Variants in DSCAML1 observed in about 807,000 individuals in gnomAD.
DSCAML1 encodes DS cell adhesion molecule like 1, also known as cell adhesion molecule DSCAML1.
DSCAML1 carries 38 observed loss-of-function variants against 200.5 expected under a neutral mutation model. That is an observed-to-expected ratio of 0.19 (90% CI 0.15 to 0.25). The LOEUF (loss-of-function observed/expected upper bound fraction) is 0.25. Ranked by LOEUF, DSCAML1 falls within the 10% of genes least tolerant of loss-of-function variation. The pLI is 1.00. For missense variants in DSCAML1, 2,223 were observed against 2,858.8 expected, an observed-to-expected ratio of 0.78 and a Z score of 5.07; for synonymous variants, 1,215 against 1,165.0, an observed-to-expected ratio of 1.04 and a Z score of -0.87.
intron 19 of DSCAML1, among the ~76,000 whole-genome samples, chr11:117,455,300 C>T (rs1215674758): frequency 6.6e-6 from 1 of 152,234 alleles, no homozygotes; most frequent in African/African-American, 2.4e-5. Context: ...ACTTCCTCGT[C>T]TCTGCCTTAA....
At chr11:117,490,742 C>T (rs893215115) in intron 11 of DSCAML1, among the ~76,000 whole-genome samples, 2 of 152,242 alleles carry the variant, frequency 1.3e-5, no homozygotes, top group Non-Finnish European at 2.9e-5. Flanking sequence ...ACCCCAAGTC[C>T]TCTGACAACT....
At chr11:117,694,078 T>C (rs139178245) in intron 3 of DSCAML1, among the ~76,000 whole-genome samples, 16,460 of 38,402 alleles carry the variant, frequency 0.43, 1,450 homozygotes, top group African/African-American at 0.5. Flanking sequence ...TATATATATA[T>C]ACACATATAT....
intron 3 of DSCAML1, among the ~76,000 whole-genome samples, chr11:117,692,494 G>T (rs549138208): frequency 6.6e-6 from 1 of 152,222 alleles, no homozygotes; most frequent in African/African-American, 2.4e-5. Context: ...CTAGATGTTG[G>T]TCAGGATTTT....
At chr11:117,551,248 C>G (rs1211114711) in intron 3 of DSCAML1, among the ~76,000 whole-genome samples, 2 of 152,194 alleles carry the variant, frequency 1.3e-5, no homozygotes, top group African/African-American at 2.4e-5. Flanking sequence ...GTTGAGAAAG[C>G]ATTTCTGGGT....
At chr11:117,815,246 C>T (rs2055795046) in intron 1 of DSCAML1, among the ~76,000 whole-genome samples, 1 of 152,238 alleles carries the variant, frequency 6.6e-6, no homozygotes, top group Non-Finnish European at 1.5e-5. Flanking sequence ...CCCCTTACCC[C>T]TTCCCCTGAA....
In DSCAML1 at chr11:117,453,750, T is replaced by TTTCTTTC. The variant is rs72081394; in HGVS notation, c.3569-3063_3569-3062insGAAAGAA. ...GATTTCTTTCTTTCTTTCTTTCTTT[T>TTTCTTTC]TTTTTTTTTTTTGAGATAGAGTCTC... On this transcript the variant is annotated intron_variant, in intron 19 of 32. Coordinates refer to ENST00000651296, the MANE Select transcript of DSCAML1 (RefSeq NM_020693.4). 3.2e-3 allele frequency among the ~76,000 whole-genome samples: 422 copies of TTTCTTTC among 130,438 alleles called. 1 individual carries two copies. The highest frequency in any genetic ancestry group is 7.4e-3 in the Middle Eastern group (2 of 270). The allele number at this position is 130,438 out of a possible 152,430, so 85.6% of individuals were successfully genotyped here.
intron 14 of DSCAML1, among the ~76,000 whole-genome samples, chr11:117,479,739 C>T (rs2048870460): frequency 6.6e-6 from 1 of 152,158 alleles, no homozygotes; most frequent in South Asian, 2.1e-4. Flanking sequence ...ACCTCCGCCT[C>T]ATGGGTTCAA....
chr11:117,671,713 A>C (rs1303964122), intron 3 of DSCAML1, among the ~76,000 whole-genome samples: 1 of 152,352 alleles, frequency 6.6e-6, no homozygotes, highest in East Asian at 1.9e-4. Context: ...ATCCTGGGAC[A>C]TGGAAGCAAA....
Position 117,780,185 on chromosome 11 carries a change from A to AGAAAGAGAAAGAAAGAGAGAGAG in DSCAML1, c.364+307_364+308insCTCTCTCTCTTTCTTTCTCTTTC, listed in dbSNP as rs1345667190. 8.1e-5 allele frequency among the ~76,000 whole-genome samples: 8 copies of AGAAAGAGAAAGAAAGAGAGAGAG among 99,142 alleles called. No homozygotes were observed. Among genetic ancestry groups the AGAAAGAGAAAGAAAGAGAGAGAG allele is most frequent in the Non-Finnish European group, 1.1e-4 (5 of 46,840 alleles). 65.0% of individuals were successfully genotyped at this position (99,142 alleles called of 152,430 possible). On this transcript the variant is annotated intron_variant, in intron 2 of 32. Coordinates refer to ENST00000651296, the MANE Select transcript of DSCAML1 (RefSeq NM_020693.4). This position sits in a 1 kb window ranked among gnomAD's most constrained non-coding sequence, Gnocchi z 4.8. ...AAAGAAAGAAAGAAAAAAAGAAAAA[A>AGAAAGAGAAAGAAAGAGAGAGAG]AGAAAGAAAGAAAGAGAAAGAAAGA... is the stretch of plus-strand genomic sequence containing the variant.
intron 19 of DSCAML1, among the ~76,000 whole-genome samples, chr11:117,452,915 G>C (rs77401397): frequency 6.6e-6 from 1 of 152,018 alleles, no homozygotes; most frequent in Non-Finnish European, 1.5e-5. Flanking sequence ...TGCCATTGTT[G>C]TGTATCTTAT....
intron 1 of DSCAML1, among the ~76,000 whole-genome samples, chr11:117,794,035 C>CG (rs937434502): frequency 2.1e-4 from 18 of 87,296 alleles, no homozygotes; most frequent in Non-Finnish European, 3.3e-4. Flanking sequence ...CCCCATTGCC[C>CG]CCCCCCCCTT....
At chr11:117,771,594 C>T (rs1327279435) in intron 3 of DSCAML1, among the ~76,000 whole-genome samples, 3 of 152,126 alleles carry the variant, frequency 2.0e-5, no homozygotes, top group African/African-American at 4.8e-5. Context: ...TAAGGACACC[C>T]GATTCCTAAT....
chr11:117,701,973 A>G (rs1246101914), intron 3 of DSCAML1, among the ~76,000 whole-genome samples: 1 of 152,028 alleles, frequency 6.6e-6, no homozygotes, highest in Non-Finnish European at 1.5e-5. Flanking sequence ...AGTGCTCCAC[A>G]CTCCACATCC....
intron 3 of DSCAML1, among the ~76,000 whole-genome samples, chr11:117,587,256 C>CCCA (rs141734075): frequency 8.7e-5 from 13 of 148,720 alleles, no homozygotes; most frequent in Admixed American, 2.7e-4. Context: ...CTTTCCAACC[C>CCCA]CCCCCCACGA....
chr11:117,687,135 C>T (rs142745661), intron 3 of DSCAML1, among the ~76,000 whole-genome samples: 1 of 152,066 alleles, frequency 6.6e-6, no homozygotes, highest in Non-Finnish European at 1.5e-5. Flanking sequence ...ATAGGAGAGA[C>T]AGGAAGAAAA....
At chr11:117,521,045 TGG>T in intron 6 of DSCAML1, 83 bp downstream of exon 6, 11 of 1,544,932 alleles carry the variant, frequency 7.1e-6, no homozygotes, top group Non-Finnish European at 8.8e-6. Context: ...TAATGCCTCC[TGG>T]CATTGCTCCC....
intron 1 of DSCAML1, among the ~76,000 whole-genome samples, chr11:117,796,546 C>T (rs1446705983): frequency 6.6e-6 from 1 of 152,242 alleles, no homozygotes. Context: ...CCAACATTCG[C>T]GCCAGGGCTG....
In DSCAML1 at chr11:117,489,030, G is replaced by A. The variant is rs1565734049; in HGVS notation, c.2360-6868C>T. On this transcript the variant is annotated intron_variant, in intron 11 of 32. Transcript: ENST00000651296. This position sits in a 1 kb window ranked among gnomAD's most constrained non-coding sequence, Gnocchi z 4.8. ...AGTGGTTCCTCCCAACAGCAACCAC[G>A]AAAGCAAGTCTTATCATCTCCACTT... Among the ~76,000 whole-genome samples, 1 of 152,208 alleles carries A rather than the reference G, an allele frequency of 6.6e-6. No individual in the cohort carries two copies. Among genetic ancestry groups the A allele is most frequent in the East Asian group, 1.9e-4 (1 of 5,196 alleles).
intron 3 of DSCAML1, among the ~76,000 whole-genome samples, chr11:117,600,187 A>ACC (rs531021242): frequency 1.7e-3 from 254 of 152,228 alleles, no homozygotes; most frequent in Admixed American, 2.7e-3. Flanking sequence ...ACTCCTGACC[A>ACC]CCCTCACATC....
Sources: gnomAD v4.1 joint callset for allele counts (sites outside exome capture counted in the v4.1 genomes callset) on GRCh38, gnomAD v4.1.1 for gene constraint, Gnocchi (gnomAD v3.1) non-coding constraint, MANE v1.5 for transcripts, NCBI Gene and HGNC (gene_info 2026-07-23, HGNC 2026-07-21) for gene names.